The following SRCAP variants were observed in gnomAD, a reference collection of about 807,000 sequenced individuals.
The protein encoded by SRCAP is chromatin remodeling protein SRCAP.
In SRCAP, 46 loss-of-function variants were observed where a neutral mutation model predicts 263.1. The observed-to-expected ratio is 0.17, with a 90% confidence interval of 0.14 to 0.22. The LOEUF (loss-of-function observed/expected upper bound fraction) is 0.22. SRCAP is among the 10% of genes least tolerant of loss of function. The pLI is 1.00. For synonymous variants in SRCAP, 1,813 were observed against 1,662.1 expected, an observed-to-expected ratio of 1.09 and a Z score of -2.21; for missense variants, 3,695 against 4,181.9, an observed-to-expected ratio of 0.88 and a Z score of 3.21.
chr16:30,720,971 C>T lies in SRCAP; in HGVS notation c.3246C>T (p.Leu1082=), dbSNP rs768635413. 3.1e-5 allele frequency: 49 copies of T among 1,601,498 alleles called. No homozygotes were observed. Among genetic ancestry groups the T allele is most frequent in the South Asian group, 4.5e-5 (4 of 89,338 alleles). ...LPPLQPNSGS[L]PQVLPSPLGV... ...CACTGCAGCCCAACAGTGGTTCTCT[C>T]CCCCAGGGTGAGTTGAAAGGGAGCC... The change falls in exon 20 of 34, where the codon CTC becomes CTT. Residue 1082 remains leucine (L), a synonymous_variant. Coordinates refer to ENST00000262518, the MANE Select transcript of SRCAP (RefSeq NM_006662.3).
intron 8 of SRCAP, 150 bp from the exon 9 acceptor site, chr16:30,710,603 AC>A: frequency 1.1e-6 from 1 of 882,646 alleles, no homozygotes; most frequent in South Asian, 1.3e-5. Flanking sequence ...CTGAGAGAAA[AC>A]CCTTGATTGT....
chr16:30,718,090 C>A (rs932998081), intron 18 of SRCAP, among the ~76,000 whole-genome samples: 1 of 151,928 alleles, frequency 6.6e-6, no homozygotes, highest in Non-Finnish European at 1.5e-5. Flanking sequence ...CTAGACTAGT[C>A]TTGAACTCCT....
Position 30,711,831 on chromosome 16 carries a change from T to TA in SRCAP, c.1493-4_1493-3insA. 3.1e-6 allele frequency: 5 copies of TA among 1,613,684 alleles called. No homozygotes were observed. Among genetic ancestry groups the TA allele is most frequent in the Non-Finnish European group, 4.2e-6 (5 of 1,179,868 alleles). ...GAGCAGTAAGCCTTGGTCTTACCCT[T>TA]TAGACTCTGTGGAGGACCGGAGTGA... On this transcript the variant is annotated splice_region_variant and splice_polypyrimidine_tract_variant and intron_variant, in intron 11 of 33. Transcript: ENST00000262518.
intron 4 of SRCAP, among the ~76,000 whole-genome samples, chr16:30,704,766 CAGG>C (rs1311585254): frequency 6.6e-6 from 1 of 152,064 alleles, no homozygotes; most frequent in African/African-American, 2.4e-5. Context: ...CACCTGAGCC[CAGG>C]AGGTCAGGGC....
intron 16 of SRCAP, among the ~76,000 whole-genome samples, chr16:30,715,564 C>CAA (rs528259971): frequency 5.4e-5 from 6 of 111,734 alleles, no homozygotes; most frequent in African/African-American, 1.3e-4. Context: ...AACTTTGTAT[C>CAA]AAAAAAAAAA....
At chr16:30,713,110 C>T (rs1567243261) in intron 14 of SRCAP, 98 bp from the exon 15 acceptor site, 12 of 1,342,522 alleles carry the variant, frequency 8.9e-6, no homozygotes, top group Non-Finnish European at 1.2e-5. Context: ...CTCTTTTCTT[C>T]CAACCTGATT....
chr16:30,736,298 G>A lies in SRCAP; in HGVS notation c.6828G>A (p.Gly2276=). Reference sequence around the variant, plus strand: ...TTGCAGAATTTAATGAGAACGATGGGTTTCCTGCTGGTGAGGGAGAGGAAG... The same window carrying A: ...TTGCAGAATTTAATGAGAACGATGGATTTCCTGCTGGTGAGGGAGAGGAAG... ...AELAEFNEND[G]FPAGEGEEAG... Residue 2276 remains glycine, a synonymous_variant, in exon 32 of 34, where the codon GGG becomes GGA. Coordinates refer to ENST00000262518, the MANE Select transcript of SRCAP (RefSeq NM_006662.3). 2 of 1,614,172 alleles carry A rather than the reference G, an allele frequency of 1.2e-6. No homozygotes were observed. The highest frequency in any genetic ancestry group is 1.1e-5 in the South Asian group (1 of 91,078).
Position 30,739,032 on chromosome 16 carries a change from A to G in SRCAP, c.8992A>G (p.Ile2998Val). 1.9e-6 allele frequency: 3 copies of G among 1,614,022 alleles called. No homozygotes were observed. Among genetic ancestry groups the G allele is most frequent in the Non-Finnish European group, 2.5e-6 (3 of 1,179,980 alleles). ...TVANTVTTVT[I>V]STSPPKRKRG... ...TGCCAACACTGTCACCACTGTCACC[A>G]TTTCAACGTCCCCACCCAAACGGAA... Residue 2998 changes from isoleucine to valine, a missense_variant, in exon 34 of 34, where the codon ATT becomes GTT. Around this residue, in one of 12 missense-constraint regions of SRCAP, gnomAD observed 1,207 missense variants for 1,142.9 expected, o/e 1.06. Transcript: ENST00000262518.
In SRCAP at chr16:30,722,222, C is replaced by T. The variant is rs2053018117; in HGVS notation, c.3642C>T (p.Asn1214=). 1.9e-6 allele frequency: 3 copies of T among 1,614,236 alleles called. No homozygotes were observed. The highest frequency in any genetic ancestry group is 1.1e-5 in the South Asian group (1 of 91,086). Residue 1214 remains asparagine, a synonymous_variant, in exon 22 of 34, where the codon AAC becomes AAT. Transcript: ENST00000262518. ...SKPLTFQIQG[N]KLTLTGAQVR... ...CTCTCACCTTCCAAATCCAGGGCAA[C>T]AAGCTGACTTTGACTGGTGCCCAGG...
chr16:30,737,658 G>A lies in SRCAP; in HGVS notation c.7618G>A (p.Val2540Ile). The A allele has an allele frequency of 6.2e-7, 1 of 1,614,012 alleles. No individual in the cohort carries two copies. The highest frequency in any genetic ancestry group is 8.5e-7 in the Non-Finnish European group (1 of 1,180,018). ...ACCTTCTGTGCCCATCTCTGCCTCA[G>A]TCACTAATCTCCCCTTGGGCTTGAG... is the stretch of plus-strand genomic sequence containing the variant. The part of the protein sequence containing the change: ...GPPSVPISAS[V>I]TNLPLGLRPE... Residue 2540 changes from valine (V) to isoleucine (I), a missense_variant, in exon 34 of 34, where the codon GTC (valine) becomes ATC (isoleucine). By Grantham distance (29) the Val-to-Ile change is conservative. Around this residue, in one of 12 missense-constraint regions of SRCAP, gnomAD observed 1,207 missense variants for 1,142.9 expected, o/e 1.06. Coordinates refer to ENST00000262518, the MANE Select transcript of SRCAP (RefSeq NM_006662.3).
At position 30,723,793 on chromosome 16, in the gene SRCAP, A is replaced by G. The variant is rs779156580; in HGVS notation, c.4369A>G (p.Ile1457Val). Residue 1457 changes from isoleucine (I) to valine (V), a missense_variant, in exon 25 of 34, where the codon ATC becomes GTC. Ile to Val is a conservative substitution (Grantham distance 29). Transcript: ENST00000262518. Reference protein sequence around the residue: ...LPAPASAPLTIPISAPLTVSA... With the variant: ...LPAPASAPLTVPISAPLTVSA... ...TGCCCCAGCCTCGGCTCCACTCACCATCCCCATCTCAGCCCCCTTGACTGT... is the reference window on the plus strand; with the variant it reads ...TGCCCCAGCCTCGGCTCCACTCACCGTCCCCATCTCAGCCCCCTTGACTGT... 1.9e-6 allele frequency: 3 copies of G among 1,612,958 alleles called. No homozygotes were observed. Among genetic ancestry groups the G allele is most frequent in the African/African-American group, 2.7e-5 (2 of 74,470 alleles).
At chr16:30,710,681 C>A in intron 8 of SRCAP, 73 bp from the exon 9 acceptor site, 2 of 1,488,020 alleles carry the variant, frequency 1.3e-6, no homozygotes, top group Non-Finnish European at 1.9e-6. Context: ...CCTGTGACAC[C>A]TTTTTCAAGT....
At chr16:30,703,230 G>A (rs1326655644) in intron 3 of SRCAP, among the ~76,000 whole-genome samples, 1 of 150,372 alleles carries the variant, frequency 6.7e-6, no homozygotes, top group East Asian at 2.0e-4. Context: ...TGTCATCCAA[G>A]CTGGAATGCA....
Position 30,730,409 on chromosome 16 carries a change from G to A in SRCAP, c.6127+837G>A, listed in dbSNP as rs1004500817. 3.3e-5 allele frequency among the ~76,000 whole-genome samples: 5 copies of A among 151,896 alleles called. No homozygotes were observed. The South Asian group carries it at 1.0e-3, about 32-fold the overall frequency. ...TTTCAGTAGCTTAACGATATTTTCA[G>A]GGACCAGGACCTTTTCTTCCTTCTT... is the stretch of plus-strand genomic sequence containing the variant. On this transcript the variant is annotated intron_variant, in intron 27 of 33. Coordinates refer to ENST00000262518, the MANE Select transcript of SRCAP (RefSeq NM_006662.3).
At chr16:30,710,917 G>C (rs912883910) in intron 9 of SRCAP, 70 bp downstream of exon 9, 7 of 1,600,012 alleles carry the variant, frequency 4.4e-6, no homozygotes, top group Non-Finnish European at 6.0e-6. Flanking sequence ...AACCTTTCAG[G>C]CTTTCTCATC....
At position 30,711,821 on chromosome 16, in the gene SRCAP, G is replaced by T. The variant is rs779684001; in HGVS notation, c.1493-14G>T. The T allele has an allele frequency of 9.3e-6, 15 of 1,613,456 alleles. No homozygotes were observed. The highest frequency in any genetic ancestry group is 8.5e-7 in the Non-Finnish European group (1 of 1,179,590). On this transcript the variant is annotated splice_polypyrimidine_tract_variant and intron_variant, in intron 11 of 33. Transcript: ENST00000262518. The stretch of plus-strand genomic sequence containing the variant: ...CAGGTATGATGAGCAGTAAGCCTTG[G>T]TCTTACCCTTTAGACTCTGTGGAGG...
At chr16:30,716,826 G>C (rs1489896130) in intron 18 of SRCAP, among the ~76,000 whole-genome samples, 1 of 152,220 alleles carries the variant, frequency 6.6e-6, no homozygotes, top group Non-Finnish European at 1.5e-5. Flanking sequence ...CTCATTGTAA[G>C]TCCAGGAGCG....
chr16:30,738,091 C>T lies in SRCAP; in HGVS notation c.8051C>T (p.Thr2684Ile), dbSNP rs766006101. Residue 2684 changes from threonine to isoleucine, a missense_variant, in exon 34 of 34, where the codon ACC becomes ATC. By Grantham distance (89) the Thr-to-Ile change is moderately conservative. Coordinates refer to ENST00000262518, the MANE Select transcript of SRCAP (RefSeq NM_006662.3). ...GAGCTGACAGAGGCCAAGACCCCAA[C>T]CTCCAGCCCAGAGAAGCCACAGGAA... ...SEELTEAKTP[T>I]SSPEKPQELV... 4 of 1,614,048 alleles carry T rather than the reference C, an allele frequency of 2.5e-6. No homozygotes were observed. The highest frequency in any genetic ancestry group is 2.7e-5 in the African/African-American group (2 of 74,918).
At chr16:30,720,464 G>T in intron 19 of SRCAP, 133 bp downstream of exon 19, 1 of 1,138,316 alleles carries the variant, frequency 8.8e-7, no homozygotes. Flanking sequence ...CAAACGTGGA[G>T]GGAATCAGGG....
Sources: gnomAD v4.1 joint callset for allele counts (sites outside exome capture counted in the v4.1 genomes callset) on GRCh38, gnomAD v4.1.1 for gene constraint, gnomAD v4.1.1 regional missense constraint, MANE v1.5 for transcripts, NCBI Gene and HGNC (gene_info 2026-07-23, HGNC 2026-07-21) for gene names.